Variants in MTUS2 observed in about 807,000 individuals in gnomAD.
MTUS2 encodes microtubule-associated tumor suppressor candidate 2.
In MTUS2, 40 loss-of-function variants were observed where a neutral mutation model predicts 114.1. That is an observed-to-expected ratio of 0.35 (90% confidence interval 0.27 to 0.46). The LOEUF (loss-of-function observed/expected upper bound fraction) is 0.46. MTUS2 is among the 20% of genes least tolerant of loss of function. The probability of loss-of-function intolerance (pLI) is 1.00; values close to 1 mark genes in which losing one functional copy is unlikely to be tolerated. For synonymous variants in MTUS2, 688 were observed against 672.0 expected (o/e 1.02, Z -0.37); for missense variants, 1,679 against 1,705.4 (o/e 0.98, Z 0.27).
At chr13:28,863,491 G>A (rs1215170038) in intron 2 of MTUS2, among the ~76,000 whole-genome samples, 1 of 152,086 alleles carries the variant, frequency 6.6e-6, no homozygotes, top group Non-Finnish European at 1.5e-5. Context: ...ACGTAAGAGG[G>A]TATTAGTAAA....
rs114354283 is a variant in MTUS2 at position 28,882,738 on chromosome 13, A to G, written c.-243+42888A>G. Among the ~76,000 whole-genome samples, 1,304 of 152,276 alleles carry G rather than the reference A, an allele frequency of 8.6e-3. 23 individuals are homozygous for G. Among genetic ancestry groups the G allele is most frequent in the African/African-American group, 0.03 (1,254 of 41,554 alleles). Reference sequence around the variant, plus strand: ...GGTGACAGGGTGAGATCCTGTCTCTAAAAAATTTTTTTTTAAATAGACAAT... The same window carrying G: ...GGTGACAGGGTGAGATCCTGTCTCTGAAAAATTTTTTTTTAAATAGACAAT... On this transcript the variant is annotated intron_variant, in intron 2 of 15. Transcript: ENST00000612955.
At chr13:29,285,044 T>C (rs1208724700) in intron 6 of MTUS2, among the ~76,000 whole-genome samples, 1 of 151,828 alleles carries the variant, frequency 6.6e-6, no homozygotes, top group Non-Finnish European at 1.5e-5. Flanking sequence ...GAGGATTCTG[T>C]TGAAAGGACC....
chr13:28,988,980 A>G (rs906334249), intron 2 of MTUS2, among the ~76,000 whole-genome samples: 4 of 152,252 alleles, frequency 2.6e-5, no homozygotes, highest in South Asian at 2.1e-4. Flanking sequence ...CTTGTAAGCA[A>G]AAGCAATTGT....
chr13:28,992,711 C>T (rs74041693), intron 2 of MTUS2, among the ~76,000 whole-genome samples: 2,686 of 152,226 alleles, frequency 0.018, 83 homozygotes, highest in African/African-American at 0.061. Flanking sequence ...CCTAGTTGCT[C>T]ATATTTAAAA....
chr13:29,097,168 G>A (rs1890213371), intron 4 of MTUS2, among the ~76,000 whole-genome samples: 1 of 152,152 alleles, frequency 6.6e-6, no homozygotes, highest in Non-Finnish European at 1.5e-5. Flanking sequence ...TGTGATGATA[G>A]TAGGGGAGGA....
chr13:29,335,856 C>T (rs921238237), intron 7 of MTUS2, among the ~76,000 whole-genome samples: 18 of 152,124 alleles, frequency 1.2e-4, no homozygotes, highest in African/African-American at 3.6e-4. Flanking sequence ...TCATGTAGTC[C>T]CATATTTCTT....
chr13:29,353,444 A>G (rs980128899), intron 7 of MTUS2, among the ~76,000 whole-genome samples: 1 of 151,788 alleles, frequency 6.6e-6, no homozygotes, highest in Admixed American at 6.6e-5. Context: ...GGGATTACAG[A>G]CACACACCAC....
At chr13:28,940,177 C>G (rs1371749406) in intron 2 of MTUS2, among the ~76,000 whole-genome samples, 1 of 152,116 alleles carries the variant, frequency 6.6e-6, no homozygotes, top group African/African-American at 2.4e-5. Flanking sequence ...GTCATGTTCA[C>G]AGCAGTGCTT....
At position 29,133,352 on chromosome 13, in the gene MTUS2, T is replaced by A. The variant is rs957877112; in HGVS notation, c.2644+32382T>A. Among the ~76,000 whole-genome samples, 8 of 152,184 alleles carry A rather than the reference T, an allele frequency of 5.3e-5. 1 individual carries two copies. Among genetic ancestry groups the A allele is most frequent in the African/African-American group, 1.9e-4 (8 of 41,446 alleles). On this transcript the variant is annotated intron_variant, in intron 5 of 15. Transcript: ENST00000612955. ...TGGTAATGGTTTTTGATATACAAATTTTTAAAATTTTCAGAAGTCCTCAGA... is the reference window on the plus strand; with the variant it reads ...TGGTAATGGTTTTTGATATACAAATATTTAAAATTTTCAGAAGTCCTCAGA...
chr13:28,963,511 G>A (rs1449898197), intron 2 of MTUS2, among the ~76,000 whole-genome samples: 3 of 152,174 alleles, frequency 2.0e-5, no homozygotes, highest in Non-Finnish European at 4.4e-5. Context: ...CAGCATAAAC[G>A]TGTGTGTATA....
intron 2 of MTUS2, among the ~76,000 whole-genome samples, chr13:28,925,805 G>A (rs1482452508): frequency 6.6e-6 from 1 of 152,204 alleles, no homozygotes; most frequent in African/African-American, 2.4e-5. Context: ...AGAACAATGC[G>A]TTGCTTATGG....
intron 11 of MTUS2, 56 bp from the exon 12 acceptor site, chr13:29,492,590 T>C: frequency 6.9e-7 from 1 of 1,441,140 alleles, no homozygotes. Context: ...AAAAGAGCCT[T>C]GTTTTATCCT....
At chr13:28,918,587 T>G (rs866688517) in intron 2 of MTUS2, among the ~76,000 whole-genome samples, 42 of 152,084 alleles carry the variant, frequency 2.8e-4, no homozygotes, top group African/African-American at 8.4e-4. Flanking sequence ...TTTGTGTGTG[T>G]GGGGAACAGA....
At chr13:29,442,201 G>C (rs373041675) in intron 9 of MTUS2, among the ~76,000 whole-genome samples, 34 of 152,258 alleles carry the variant, frequency 2.2e-4, no homozygotes, top group African/African-American at 8.2e-4. Context: ...CTAGGGTAGA[G>C]GTTCCAAAAT....
At chr13:29,389,575 G>A (rs111067869) in intron 8 of MTUS2, among the ~76,000 whole-genome samples, 24,793 of 81,874 alleles carry the variant, frequency 0.3, 4,872 homozygotes, top group Middle Eastern at 0.41. Flanking sequence ...GTGTACATAT[G>A]TGTGTATACG....
chr13:29,429,823 T>C (rs1472597732), intron 8 of MTUS2, among the ~76,000 whole-genome samples: 1 of 152,198 alleles, frequency 6.6e-6, no homozygotes, highest in Non-Finnish European at 1.5e-5. Context: ...AAGGAAAATA[T>C]ATGGCTTAAT....
At chr13:29,462,480 T>C (rs1879571836) in intron 9 of MTUS2, among the ~76,000 whole-genome samples, 1 of 152,044 alleles carries the variant, frequency 6.6e-6, no homozygotes. Context: ...ATTGCAGTTA[T>C]ATGGGTGAGA....
At chr13:29,284,965 C>A (rs1347343066) in intron 6 of MTUS2, among the ~76,000 whole-genome samples, 1 of 151,960 alleles carries the variant, frequency 6.6e-6, no homozygotes, top group Non-Finnish European at 1.5e-5. Flanking sequence ...TGTTTCAGGT[C>A]TAGGACAAGA....
intron 5 of MTUS2, chr13:29,242,614 G>T (rs1376662379): frequency 1.9e-5 from 3 of 154,270 alleles, no homozygotes; most frequent in African/African-American, 7.2e-5. Flanking sequence ...TTATCCACAG[G>T]TAATTTCCAG....
Sources: gnomAD v4.1 joint callset for allele counts (sites outside exome capture counted in the v4.1 genomes callset) on GRCh38, gnomAD v4.1.1 for gene constraint, MANE v1.5 for transcripts, NCBI Gene and HGNC (gene_info 2026-07-23, HGNC 2026-07-21) for gene names.